The following PDE1C variants were observed in gnomAD, a reference collection of about 807,000 sequenced individuals.
PDE1C encodes phosphodiesterase 1C.
A neutral mutation model predicts 93.1 loss-of-function variants in PDE1C; 62 were observed. The observed-to-expected ratio is 0.67, with a 90% confidence interval of 0.54 to 0.82. The LOEUF is 0.82. Among genes scored for constraint, PDE1C ranks in the 40% least tolerant of loss-of-function variants. The pLI is 0.00. For synonymous variants in PDE1C, 325 were observed against 310.1 expected, an observed-to-expected ratio of 1.05 and a Z score of -0.50; for missense variants, 742 against 884.6, an observed-to-expected ratio of 0.84 and a Z score of 2.04.
chr7:32,144,013 G>A (rs998791488), intron 3 of PDE1C, among the ~76,000 whole-genome samples: 1 of 152,134 alleles, frequency 6.6e-6, no homozygotes, highest in Admixed American at 6.5e-5. Flanking sequence ...CTGCTGAATT[G>A]AGAGATGGAG....
chr7:32,040,477 G>T (rs1292608722), intron 2 of PDE1C, among the ~76,000 whole-genome samples: 1 of 152,094 alleles, frequency 6.6e-6, no homozygotes, highest in Non-Finnish European at 1.5e-5. Context: ...TGTAGACATT[G>T]CCAAATACCC....
intron 16 of PDE1C, among the ~76,000 whole-genome samples, chr7:31,802,922 T>A (rs573890135): frequency 1.3e-5 from 2 of 151,758 alleles, no homozygotes; most frequent in African/African-American, 4.8e-5. Flanking sequence ...TGAGATGTAT[T>A]GAGCTTCTTG....
chr7:32,069,059 G>C (rs775110121), intron 1 of PDE1C, among the ~76,000 whole-genome samples: 1 of 152,148 alleles, frequency 6.6e-6, no homozygotes, highest in Non-Finnish European at 1.5e-5. Flanking sequence ...GCGGTGGCTA[G>C]ACAAGTCAAA....
downstream of PDE1C, among the ~76,000 whole-genome samples, chr7:31,747,204 C>T (rs1794024922): frequency 6.6e-6 from 1 of 152,060 alleles, no homozygotes; most frequent in Non-Finnish European, 1.5e-5. Context: ...TCTGTGTGAA[C>T]AACACAATGC....
intron 2 of PDE1C, among the ~76,000 whole-genome samples, chr7:31,917,774 T>C (rs185714234): frequency 7.2e-5 from 11 of 152,320 alleles, no homozygotes; most frequent in Non-Finnish European, 1.6e-4. Context: ...CTCTTCAAAG[T>C]AAGATATTCC....
chr7:31,822,541 T>C (rs145971475), intron 14 of PDE1C, among the ~76,000 whole-genome samples: 2 of 152,288 alleles, frequency 1.3e-5, no homozygotes, highest in East Asian at 3.9e-4. Flanking sequence ...CTTCAGGGAA[T>C]TTCTGTTTAC....
chr7:31,994,286 AC>A (rs1408955903), intron 2 of PDE1C, among the ~76,000 whole-genome samples: 2 of 152,208 alleles, frequency 1.3e-5, no homozygotes, highest in Non-Finnish European at 2.9e-5. Context: ...TCTCAAAACT[AC>A]CTTTTTGTAA....
At chr7:31,851,577 G>A (rs780049343) in intron 7 of PDE1C, among the ~76,000 whole-genome samples, 15 of 152,160 alleles carry the variant, frequency 9.9e-5, no homozygotes, top group Non-Finnish European at 1.9e-4. Flanking sequence ...ATGCTCACAC[G>A]ACAGAATATG....
the PDE1C span, chr7:31,652,817 T>C: frequency 6.2e-7 from 1 of 1,612,868 alleles, no homozygotes; most frequent in South Asian, 1.1e-5. Flanking sequence ...AGGATGCAGA[T>C]GTCTTCCTCT....
intron 2 of PDE1C, among the ~76,000 whole-genome samples, chr7:32,205,809 C>T (rs1037290468): frequency 1.3e-5 from 2 of 152,158 alleles, no homozygotes; most frequent in Non-Finnish European, 2.9e-5. Flanking sequence ...CCTTTAAGAG[C>T]TGTAACAGTC....
Position 31,772,025 on chromosome 7 carries a change from G to A in PDE1C, c.1960+3639C>T, listed in dbSNP as rs1256764589. ...AGCGCCACTGCACTCCAGCCTGGGC[G>A]AAAGAGCGGGACTCCGTCTCAAAAA... On this transcript the variant is annotated intron_variant, in intron 17 of 17. Coordinates refer to ENST00000396191, the MANE Select transcript of PDE1C (RefSeq NM_001191057.4). Among the ~76,000 whole-genome samples, 9 of 137,876 alleles carry A rather than the reference G, an allele frequency of 6.5e-5. No individual in the cohort carries two copies. In the South Asian group the frequency reaches 1.1e-3, roughly 17 times the overall value. 90.5% of individuals were successfully genotyped at this position (137,876 alleles called of 152,430 possible). A position where few individuals can be genotyped will look rare whatever the true frequency, so the allele number is the denominator to read the frequency against.
intron 2 of PDE1C, among the ~76,000 whole-genome samples, chr7:31,918,646 G>C (rs1802226901): frequency 1.3e-5 from 2 of 152,120 alleles, no homozygotes; most frequent in South Asian, 4.1e-4. Flanking sequence ...TGCTTTTATA[G>C]TCTGCTAAGT....
At chr7:31,780,302 T>C (rs532623257) in intron 16 of PDE1C, among the ~76,000 whole-genome samples, 1 of 152,200 alleles carries the variant, frequency 6.6e-6, no homozygotes, top group Non-Finnish European at 1.5e-5. Context: ...GGTGTGCTCA[T>C]CCTCACGGAT....
rs111451013 is a variant in PDE1C, at chr7:32,416,978, G to A, written c.310+10844C>T. 2.3e-3 allele frequency among the ~76,000 whole-genome samples: 347 copies of A among 152,214 alleles called. 1 individual carries two copies. Among genetic ancestry groups the A allele is most frequent in the African/African-American group, 8.2e-3 (342 of 41,530 alleles). On this transcript the variant is annotated intron_variant, in intron 1 of 1. Coordinates refer to the PDE1C transcript ENST00000672256. ...AGAGTACCGCCACATATGGGAGCTA[G>A]CCATAAACACCCACCCCATGCCTGG...
At chr7:31,828,188 G>T in intron 12 of PDE1C, 104 bp downstream of exon 12, 1 of 840,420 alleles carries the variant, frequency 1.2e-6, no homozygotes, top group Non-Finnish European at 2.0e-6. Context: ...CAACATGGCA[G>T]AATGGAGCCA....
intron 2 of PDE1C, among the ~76,000 whole-genome samples, chr7:32,031,347 A>G (rs954063230): frequency 1.1e-4 from 16 of 152,186 alleles, no homozygotes; most frequent in Admixed American, 1.0e-3. Context: ...CCTATCTTTT[A>G]CTAATGAGAA....
chr7:31,893,792 C>T (rs1798931207), intron 2 of PDE1C, among the ~76,000 whole-genome samples: 1 of 152,084 alleles, frequency 6.6e-6, no homozygotes, highest in South Asian at 2.1e-4. Flanking sequence ...CCACTTGCCC[C>T]AAACAACCCC....
At chr7:31,995,330 T>A (rs916321503) in intron 2 of PDE1C, among the ~76,000 whole-genome samples, 1 of 151,792 alleles carries the variant, frequency 6.6e-6, no homozygotes, top group Non-Finnish European at 1.5e-5. Flanking sequence ...GACAAGAGAG[T>A]CCATTACGCA....
At chr7:32,151,693 C>G (rs1801269540) in intron 3 of PDE1C, among the ~76,000 whole-genome samples, 3 of 152,114 alleles carry the variant, frequency 2.0e-5, no homozygotes, top group South Asian at 2.1e-4. Context: ...AAAATGCAAA[C>G]TAATCTATAT....
Sources: allele counts gnomAD v4.1 joint callset (sites outside exome capture counted in the v4.1 genomes callset), GRCh38; gene constraint gnomAD v4.1.1; transcripts MANE v1.5; gene names NCBI Gene and HGNC (gene_info 2026-07-23, HGNC 2026-07-21).